Variants in KSR2 observed in about 807,000 individuals in gnomAD.
The protein encoded by KSR2 is kinase suppressor of ras 2.
A neutral mutation model predicts 107.8 loss-of-function variants in KSR2; 25 were observed. That is an observed-to-expected ratio of 0.23 (90% CI 0.17 to 0.32). The LOEUF is 0.32. Among genes scored for constraint, KSR2 ranks in the 10% least tolerant of loss-of-function variants. The pLI is 1.00. For synonymous variants in KSR2, 480 were observed against 507.0 expected (o/e 0.95, Z 0.71); for missense variants, 887 against 1,268.9 (o/e 0.70, Z 4.57).
intron 4 of KSR2, among the ~76,000 whole-genome samples, chr12:117,670,377 C>T (rs1453292988): frequency 6.6e-6 from 1 of 152,182 alleles, no homozygotes. Context: ...ATTATCTTCT[C>T]TCCAATGATG....
chr12:117,565,005 G>A (rs922975244), intron 7 of KSR2, among the ~76,000 whole-genome samples: 2 of 152,176 alleles, frequency 1.3e-5, no homozygotes, highest in Admixed American at 1.3e-4. Flanking sequence ...GATTTGACCA[G>A]AAGCAAACTG....
chr12:117,633,289 CTCT>C (rs1371129198), intron 5 of KSR2, among the ~76,000 whole-genome samples: 2 of 152,342 alleles, frequency 1.3e-5, no homozygotes, highest in South Asian at 4.1e-4. Flanking sequence ...GCTGAGAACA[CTCT>C]TCTTCTGGTT....
chr12:117,732,171 C>T (rs1037276524), intron 4 of KSR2, among the ~76,000 whole-genome samples: 51 of 152,126 alleles, frequency 3.4e-4, no homozygotes, highest in African/African-American at 1.1e-3. Flanking sequence ...GTGGTAACTG[C>T]TAAAATTGTG....
intron 2 of KSR2, among the ~76,000 whole-genome samples, chr12:117,859,964 G>A (rs1467188111): frequency 1.1e-4 from 16 of 152,152 alleles, no homozygotes; most frequent in Non-Finnish European, 2.2e-4. Flanking sequence ...TACCACAGCC[G>A]GCAGCACAGA....
At chr12:117,860,239 G>A (rs992227443) in intron 2 of KSR2, 52 bp downstream of exon 2, 4 of 1,574,146 alleles carry the variant, frequency 2.5e-6, no homozygotes, top group South Asian at 1.1e-5. Context: ...GCAACACAGG[G>A]GGTAGCTGCT....
intron 5 of KSR2, among the ~76,000 whole-genome samples, chr12:117,656,839 G>T (rs1227704706): frequency 1.3e-5 from 2 of 150,868 alleles, no homozygotes; most frequent in East Asian, 2.0e-4. Context: ...GGCTCTCCTT[G>T]CTCCTCAGCT....
At chr12:117,885,063 G>C (rs4520690) in intron 1 of KSR2, among the ~76,000 whole-genome samples, 58,182 of 151,956 alleles carry the variant, frequency 0.38, 13,419 homozygotes, top group East Asian at 0.87. Flanking sequence ...TTCACCCACC[G>C]GGGCCTCAGT....
intron 2 of KSR2, among the ~76,000 whole-genome samples, chr12:117,857,416 A>T (rs1445470889): frequency 1.3e-5 from 2 of 152,204 alleles, no homozygotes; most frequent in African/African-American, 4.8e-5. Flanking sequence ...ATAACATAAA[A>T]GGATTCTCCT....
At chr12:117,517,826 C>A (rs189721573) in intron 14 of KSR2, 1 of 455,888 alleles carries the variant, frequency 2.2e-6, no homozygotes, top group Non-Finnish European at 4.4e-6. Flanking sequence ...AACTCCTGTA[C>A]GTTATATTTA....
chr12:117,875,315 C>T (rs7960385), intron 1 of KSR2, among the ~76,000 whole-genome samples: 1,509 of 150,630 alleles, frequency 0.01, 25 homozygotes, highest in African/African-American at 0.035. Context: ...AGCTCCAAAT[C>T]CTCACCCCTT....
intron 5 of KSR2, among the ~76,000 whole-genome samples, chr12:117,601,298 G>GGC (rs1283315026): frequency 1.4e-5 from 2 of 142,970 alleles, no homozygotes; most frequent in African/African-American, 2.7e-5. Context: ...AAGATCTTGG[G>GGC]GGGGGGGGTA....
At chr12:117,962,429 T>G (rs897271984) in intron 1 of KSR2, among the ~76,000 whole-genome samples, 2 of 143,232 alleles carry the variant, frequency 1.4e-5, no homozygotes, top group East Asian at 2.1e-4. Flanking sequence ...GCCTGGGTTT[T>G]GTTTTGTTTT....
At chr12:117,522,688 G>A (rs577483704) in intron 14 of KSR2, among the ~76,000 whole-genome samples, 1 of 152,262 alleles carries the variant, frequency 6.6e-6, no homozygotes, top group African/African-American at 2.4e-5. Flanking sequence ...GCCAACAGAT[G>A]TAGGTCTTGA....
chr12:117,571,714 C>T (rs1162210724), intron 7 of KSR2, among the ~76,000 whole-genome samples: 1 of 152,164 alleles, frequency 6.6e-6, no homozygotes, highest in Non-Finnish European at 1.5e-5. Context: ...AAGGCTCAAG[C>T]ATCTATGAAG....
intron 3 of KSR2, among the ~76,000 whole-genome samples, chr12:117,839,421 T>A (rs2137152330): frequency 6.6e-6 from 1 of 152,332 alleles, no homozygotes; most frequent in Admixed American, 6.5e-5. Flanking sequence ...TGTGCCTTCA[T>A]TCTCTTATCT....
intron 5 of KSR2, among the ~76,000 whole-genome samples, chr12:117,586,817 A>G (rs1880030073): frequency 6.6e-6 from 1 of 152,172 alleles, no homozygotes; most frequent in Admixed American, 6.5e-5. Context: ...TTCAACAAGG[A>G]AATTAAAAAG....
At chr12:117,844,943 G>A (rs1030337318) in intron 3 of KSR2, among the ~76,000 whole-genome samples, 10 of 152,128 alleles carry the variant, frequency 6.6e-5, no homozygotes, top group African/African-American at 1.9e-4. Context: ...TCAGGAGATC[G>A]AGACCATCCT....
chr12:117,598,199 C>T (rs1385104996), intron 5 of KSR2, among the ~76,000 whole-genome samples: 1 of 152,196 alleles, frequency 6.6e-6, no homozygotes, highest in African/African-American at 2.4e-5. Context: ...ATCCCCATAG[C>T]TTAGATCCCA....
Position 117,761,327 on chromosome 12 carries a change from C to A in KSR2, c.670G>T (p.Val224Leu). The A allele has an allele frequency of 6.4e-7, 1 of 1,559,112 alleles. No homozygotes were observed. ...PTPGAPVYTH[V>L]DRLTVDAYPG... ...TAGGCGTCCACGGTAAGCCTGTCCA[C>A]GTGGGTGTACACAGGGGCCCCGGGA... The change falls in exon 4 of 20, where the codon GTG becomes TTG. Residue 224 changes from valine to leucine, a missense_variant. Physicochemically the swap from Val to Leu is conservative, Grantham distance 32. Coordinates refer to ENST00000339824, the MANE Select transcript of KSR2 (RefSeq NM_173598.6).
Sources: gnomAD v4.1 joint callset for allele counts (sites outside exome capture counted in the v4.1 genomes callset) on GRCh38, gnomAD v4.1.1 for gene constraint, MANE v1.5 for transcripts, NCBI Gene and HGNC (gene_info 2026-07-23, HGNC 2026-07-21) for gene names.